TMEM53: variants seen among roughly 807,000 people sequenced by gnomAD.
TMEM53 encodes transmembrane protein 53.
TMEM53 carries 14 observed loss-of-function variants against 21.4 expected under a neutral mutation model. That is an observed-to-expected ratio of 0.65 (90% CI 0.43 to 1.02). TMEM53 has a LOEUF of 1.02. TMEM53 is among the 50% of genes least tolerant of loss of function. TMEM53 has a pLI of 0.00. For missense variants in TMEM53, 323 were observed against 383.6 expected (o/e 0.84, Z 1.32); for synonymous variants, 148 against 157.4 (o/e 0.94, Z 0.45).
rs529200593 is a variant in TMEM53, at chr1:44,659,584, A to C, written c.183+590T>G. On this transcript the variant is annotated intron_variant, in intron 2 of 2. Transcript: ENST00000372237. ...AAGACAGAAACTCACCTGGTGGGAA[A>C]GGAGGAGGTCCTGGGAGTACAAGCT... Among the ~76,000 whole-genome samples, 17 of 152,360 alleles carry C rather than the reference A, an allele frequency of 1.1e-4. No individual in the cohort carries two copies. In the East Asian group the frequency reaches 3.3e-3, roughly 29 times the overall value.
chr1:44,661,920 C>T (rs1457303285), intron 1 of TMEM53, among the ~76,000 whole-genome samples: 7 of 152,200 alleles, frequency 4.6e-5, no homozygotes, highest in Non-Finnish European at 1.0e-4. Context: ...TACCCGCCCC[C>T]TCAGGGGGAC....
intron 1 of TMEM53, among the ~76,000 whole-genome samples, chr1:44,671,637 T>C (rs1645001980): frequency 6.6e-6 from 1 of 151,636 alleles, no homozygotes; most frequent in South Asian, 2.1e-4. Flanking sequence ...AAAAAAAAAG[T>C]GTTTTTAAAG....
Position 44,655,340 on chromosome 1 carries a change from G to A in TMEM53, c.184-131C>T. On this transcript the variant is annotated intron_variant, in intron 2 of 2. Coordinates refer to ENST00000372237, the MANE Select transcript of TMEM53 (RefSeq NM_024587.4). This position sits in a 1 kb window ranked among gnomAD's most constrained non-coding sequence, Gnocchi z 4.4. Reference sequence around the variant, plus strand: ...GGGCCCACAGCGTCAGCAATGCTCTGGGTCCTGCTTCAGCCTGAGCCCACC... The same window carrying A: ...GGGCCCACAGCGTCAGCAATGCTCTAGGTCCTGCTTCAGCCTGAGCCCACC... 1 of 935,150 alleles carries A rather than the reference G, an allele frequency of 1.1e-6. No homozygotes were observed. The highest frequency in any genetic ancestry group is 1.5e-6 in the Non-Finnish European group (1 of 645,608). The allele number at this position is 935,150 out of a possible 1,614,324, so 57.9% of individuals were successfully genotyped here. A position where few individuals can be genotyped will look rare whatever the true frequency, so the allele number is the denominator to read the frequency against.
At chr1:44,674,108 G>A in intron 1 of TMEM53, 14 of 985,442 alleles carry the variant, frequency 1.4e-5, no homozygotes, top group Non-Finnish European at 1.7e-5. Flanking sequence ...GCGAGCAGCT[G>A]ACTCGGGCAG....
At chr1:44,665,403 G>A (rs966374673) in intron 1 of TMEM53, among the ~76,000 whole-genome samples, 8 of 152,154 alleles carry the variant, frequency 5.3e-5, no homozygotes, top group Non-Finnish European at 5.9e-5. Context: ...TTGGAAGGCC[G>A]AGGCAGGTAG....
intron 1 of TMEM53, among the ~76,000 whole-genome samples, chr1:44,669,781 A>C (rs1366985577): frequency 1.3e-5 from 2 of 149,288 alleles, no homozygotes; most frequent in Admixed American, 6.8e-5. Context: ...TAGAGCAGAC[A>C]CTTAGAAAGC....
chr1:44,654,401 C>A lies in TMEM53; in HGVS notation c.*158G>T. Reference sequence around the variant, plus strand: ...TAAGCAGACCACCAGCAGACAGAGGCCCCCAGGAGACAGGCCCATAGGAAT... The same window carrying A: ...TAAGCAGACCACCAGCAGACAGAGGACCCCAGGAGACAGGCCCATAGGAAT... On this transcript the variant is annotated 3_prime_UTR_variant, in exon 3 of 3. Transcript: ENST00000372237. This position sits in a 1 kb window ranked among gnomAD's most constrained non-coding sequence, Gnocchi z 7.0. The A allele has an allele frequency of 1.2e-6, 1 of 805,448 alleles. No individual in the cohort carries two copies. The highest frequency in any genetic ancestry group is 1.8e-5 in the South Asian group (1 of 56,956). 49.9% of individuals were successfully genotyped at this position (805,448 alleles called of 1,614,324 possible).
At chr1:44,666,623 G>A (rs1194575322) in intron 1 of TMEM53, among the ~76,000 whole-genome samples, 1 of 152,082 alleles carries the variant, frequency 6.6e-6, no homozygotes, top group African/African-American at 2.4e-5. Context: ...ATACAAAGGG[G>A]CACATATTAT....
intron 1 of TMEM53, among the ~76,000 whole-genome samples, chr1:44,665,179 CTA>C (rs1381928604): frequency 1.3e-5 from 2 of 151,768 alleles, no homozygotes; most frequent in African/African-American, 4.8e-5. Flanking sequence ...TTAACACACA[CTA>C]TACTGACATC....
At chr1:44,673,636 A>G (rs1645040032) in intron 1 of TMEM53, 1 of 155,918 alleles carries the variant, frequency 6.4e-6, no homozygotes, top group African/African-American at 2.4e-5. Context: ...GTAAATGCCA[A>G]TTACTGAACT....
chr1:44,655,204 G>A lies in TMEM53; in HGVS notation c.189C>T (p.Cys63=), dbSNP rs763755869. 3.7e-6 allele frequency: 6 copies of A among 1,601,612 alleles called. No homozygotes were observed. Among genetic ancestry groups the A allele is most frequent in the Non-Finnish European group, 5.1e-6 (6 of 1,173,534 alleles). Residue 63 remains cysteine (C), a synonymous_variant, in exon 3 of 3, where the codon TGC becomes TGT. Coordinates refer to ENST00000372237, the MANE Select transcript of TMEM53 (RefSeq NM_024587.4). This position sits in a 1 kb window ranked among gnomAD's most constrained non-coding sequence, Gnocchi z 4.4. ...KYSAIYHKRG[C]IVIRYTAPWH... ...ACGGGGCTGTGTATCGGATTACGAT[G>A]CAGCCCTGGGGAGAGAGGCCTGGTC... is the stretch of plus-strand genomic sequence containing the variant.
chr1:44,668,297 C>T (rs895742276), intron 1 of TMEM53, among the ~76,000 whole-genome samples: 4 of 151,964 alleles, frequency 2.6e-5, no homozygotes, highest in African/African-American at 7.3e-5. Context: ...AAAAATTAGC[C>T]GAGCGTGGTG....
Position 44,655,292 on chromosome 1 carries a change from C to T in TMEM53, c.184-83G>A. On this transcript the variant is annotated intron_variant, in intron 2 of 2. Coordinates refer to ENST00000372237, the MANE Select transcript of TMEM53 (RefSeq NM_024587.4). The surrounding 1 kb of genome is among the most constrained non-coding windows in gnomAD (Gnocchi z 4.4). ...TAAGGTCAGAGGGGCCCAGCAACCC[C>T]AGCCTGTAGGACATAGGCCATGGGG... The T allele has an allele frequency of 4.3e-6, 6 of 1,395,514 alleles. No homozygotes were observed. In the South Asian group the frequency reaches 8.7e-5, roughly 20 times the overall value. The allele number at this position is 1,395,514 out of a possible 1,614,324, so 86.4% of individuals were successfully genotyped here. A position where few individuals can be genotyped will look rare whatever the true frequency, so the allele number is the denominator to read the frequency against.
chr1:44,658,005 A>C (rs1644865163), intron 2 of TMEM53, among the ~76,000 whole-genome samples: 1 of 150,942 alleles, frequency 6.6e-6, no homozygotes, highest in Non-Finnish European at 1.5e-5. Context: ...TACTCCATCT[A>C]CTTTCTCCCT....
intron 2 of TMEM53, among the ~76,000 whole-genome samples, chr1:44,658,329 G>A (rs990807728): frequency 1.3e-5 from 2 of 151,970 alleles, no homozygotes; most frequent in African/African-American, 4.8e-5. Flanking sequence ...CCAGAAACCT[G>A]GCATTACCCT....
chr1:44,655,013 A>G lies in TMEM53; in HGVS notation c.380T>C (p.Leu127Pro). 1 of 1,614,042 alleles carries G rather than the reference A, an allele frequency of 6.2e-7. No individual in the cohort carries two copies. Among genetic ancestry groups the G allele is most frequent in the Non-Finnish European group, 8.5e-7 (1 of 1,179,896 alleles). ...VMLYRYVLEL[L>P]QTRRFCRLRV... ...CAGGCGGCAGAAGCGACGGGTCTGC[A>G]GGAGCTCCAGCACGTAGCGGTACAG... is the stretch of plus-strand genomic sequence containing the variant. The change falls in exon 3 of 3, where the codon CTG becomes CCG. Residue 127 changes from leucine to proline, a missense_variant. By Grantham distance (98) the Leu-to-Pro change is moderately conservative (BLOSUM62 -3). Coordinates refer to ENST00000372237, the MANE Select transcript of TMEM53 (RefSeq NM_024587.4). This position sits in a 1 kb window ranked among gnomAD's most constrained non-coding sequence, Gnocchi z 4.4.
intron 1 of TMEM53, among the ~76,000 whole-genome samples, chr1:44,669,939 T>G (rs1557497911): frequency 6.6e-6 from 1 of 151,660 alleles, no homozygotes; most frequent in Non-Finnish European, 1.5e-5. Flanking sequence ...GCTGAGATTA[T>G]AGGCATGCGC....
rs938466984 is a variant in TMEM53 at position 44,654,233 on chromosome 1, A to C, written c.*326T>G. 1 of 285,074 alleles carries C rather than the reference A, an allele frequency of 3.5e-6. No individual in the cohort carries two copies. The allele number at this position is 285,074 out of a possible 1,614,324, so 17.7% of individuals were successfully genotyped here. A position where few individuals can be genotyped will look rare whatever the true frequency, so the allele number is the denominator to read the frequency against. On this transcript the variant is annotated 3_prime_UTR_variant, in exon 3 of 3. Transcript: ENST00000372237. This position sits in a 1 kb window ranked among gnomAD's most constrained non-coding sequence, Gnocchi z 7.0. ...AAAAAATCAACTAGGGCTCACCCTC[A>C]ACACCCCCCTCCATTTGTCAACCTC...
At chr1:44,674,203 C>T (rs533197438) in intron 1 of TMEM53, 128 bp downstream of exon 1, 2 of 1,417,936 alleles carry the variant, frequency 1.4e-6, no homozygotes, top group Non-Finnish European at 1.8e-6. Flanking sequence ...CTAGGACCTG[C>T]CAGACCCTAT....
Sources: allele counts gnomAD v4.1 joint callset (sites outside exome capture counted in the v4.1 genomes callset), GRCh38; gene constraint gnomAD v4.1.1; non-coding constraint Gnocchi (gnomAD v3.1); transcripts MANE v1.5; gene names NCBI Gene and HGNC (gene_info 2026-07-23, HGNC 2026-07-21).